DLC1: variants seen among roughly 807,000 people sequenced by gnomAD.
The protein encoded by DLC1 is rho GTPase-activating protein 7.
In DLC1, 54 loss-of-function variants were observed where a neutral mutation model predicts 140.3. The observed-to-expected ratio is 0.38, with a 90% CI of 0.31 to 0.48. DLC1 has a LOEUF of 0.48. DLC1 is among the 20% of genes least tolerant of loss of function. DLC1 has a pLI of 0.96. For missense variants in DLC1, 2,536 were observed against 1,907.0 expected, an observed-to-expected ratio of 1.33 and a Z score of -6.14; for synonymous variants, 986 against 728.1, an observed-to-expected ratio of 1.35 and a Z score of -5.70.
At chr8:13,245,520 A>G (rs1585994074) in intron 5 of DLC1, among the ~76,000 whole-genome samples, 1 of 151,712 alleles carries the variant, frequency 6.6e-6, no homozygotes, top group Non-Finnish European at 1.5e-5. Flanking sequence ...TCTTCCTCTC[A>G]CCCTCTCATT....
intron 5 of DLC1, among the ~76,000 whole-genome samples, chr8:13,186,028 G>C (rs1272408943): frequency 6.6e-6 from 1 of 152,184 alleles, no homozygotes; most frequent in East Asian, 1.9e-4. Context: ...CTGTTAGTCT[G>C]ATGGGCTTCC....
At chr8:13,092,952 G>T in intron 12 of DLC1, 127 bp from the exon 13 acceptor site, 1 of 1,004,698 alleles carries the variant, frequency 1.0e-6, no homozygotes, top group African/African-American at 1.6e-5. Flanking sequence ...TGTAGAAAGT[G>T]CACTAGAGGT....
chr8:13,376,436 G>A (rs1366431157), intron 4 of DLC1, among the ~76,000 whole-genome samples: 1 of 152,000 alleles, frequency 6.6e-6, no homozygotes, highest in African/African-American at 2.4e-5. Flanking sequence ...GTTGACTCCC[G>A]GAATCCCACC....
At chr8:13,092,101 TGGGC>T (rs1375719489) in intron 13 of DLC1, among the ~76,000 whole-genome samples, 2 of 151,982 alleles carry the variant, frequency 1.3e-5, no homozygotes, top group African/African-American at 2.4e-5. Flanking sequence ...AAAAATTAGC[TGGGC>T]GTGGTGGCAG....
intron 15 of DLC1, among the ~76,000 whole-genome samples, chr8:13,089,217 A>G (rs1347985190): frequency 6.6e-6 from 1 of 152,072 alleles, no homozygotes; most frequent in Non-Finnish European, 1.5e-5. Flanking sequence ...AGATCACACC[A>G]CTGCACTCCA....
At chr8:13,416,320 A>G (rs1220350428) in intron 2 of DLC1, among the ~76,000 whole-genome samples, 1 of 152,210 alleles carries the variant, frequency 6.6e-6, no homozygotes, top group Non-Finnish European at 1.5e-5. Context: ...CAATCTCCAT[A>G]ACCTAATACT....
At chr8:13,216,376 T>C (rs893706038) in intron 5 of DLC1, among the ~76,000 whole-genome samples, 1 of 152,078 alleles carries the variant, frequency 6.6e-6, no homozygotes, top group Non-Finnish European at 1.5e-5. Flanking sequence ...AAGGATCAGG[T>C]TTAAAATCCA....
intron 5 of DLC1, among the ~76,000 whole-genome samples, chr8:13,169,878 C>T (rs1015551377): frequency 2.7e-5 from 4 of 149,402 alleles, no homozygotes; most frequent in African/African-American, 4.9e-5. Context: ...AAGCCAGATG[C>T]GGTGGCTCAT....
At chr8:13,311,501 T>C (rs1414647933) in intron 4 of DLC1, among the ~76,000 whole-genome samples, 1 of 152,222 alleles carries the variant, frequency 6.6e-6, no homozygotes, top group Non-Finnish European at 1.5e-5. Context: ...TATTAATAAA[T>C]GCACACACAA....
intron 2 of DLC1, among the ~76,000 whole-genome samples, chr8:13,438,409 G>C (rs561321555): frequency 2.6e-5 from 4 of 151,636 alleles, no homozygotes; most frequent in Admixed American, 2.0e-4. Context: ...ATTCTTTTTT[G>C]TTTCTCTGCA....
chr8:13,602,766 A>C (rs922520338), intron 1 of DLC1, among the ~76,000 whole-genome samples: 1 of 151,916 alleles, frequency 6.6e-6, no homozygotes, highest in Non-Finnish European at 1.5e-5. Flanking sequence ...TTTCAAAATC[A>C]TATTTCCCAG....
At chr8:13,348,569 G>A (rs1446941775) in intron 4 of DLC1, among the ~76,000 whole-genome samples, 8 of 152,188 alleles carry the variant, frequency 5.3e-5, no homozygotes, top group Middle Eastern at 3.4e-3. Context: ...ACTTTTTGAC[G>A]ACCATCTTTA....
chr8:13,085,888 A>T lies in DLC1; in HGVS notation c.4510T>A (p.Cys1504Ser). 1 of 1,614,184 alleles carries T rather than the reference A, an allele frequency of 6.2e-7. No homozygotes were observed. The highest frequency in any genetic ancestry group is 8.5e-7 in the Non-Finnish European group (1 of 1,180,032). The stretch of plus-strand genomic sequence containing the variant: ...CGGATCTTTACAACTTCAGCTGCAC[A>T]CAAATGTCCAAAAGATTTTGTGTAC... ...EWYTKSFGHL[C>S]AAEVVKIRDS... is the part of the protein sequence containing the mutation. The change falls in exon 18 of 18, where the codon TGT becomes AGT. Residue 1504 changes from cysteine to serine, a missense_variant. Transcript: ENST00000276297.
intron 4 of DLC1, among the ~76,000 whole-genome samples, chr8:13,316,448 C>T (rs1353234695): frequency 2.0e-5 from 3 of 151,810 alleles, no homozygotes; most frequent in Non-Finnish European, 4.4e-5. Context: ...TGGTAATTAA[C>T]TTTAACAACT....
At chr8:13,419,903 T>A (rs1838237444) in intron 2 of DLC1, among the ~76,000 whole-genome samples, 1 of 152,208 alleles carries the variant, frequency 6.6e-6, no homozygotes, top group Non-Finnish European at 1.5e-5. Flanking sequence ...CTGTTATTGG[T>A]CTATTGAGAG....
intron 2 of DLC1, among the ~76,000 whole-genome samples, chr8:13,423,957 T>C (rs1472218302): frequency 6.6e-6 from 1 of 152,198 alleles, no homozygotes; most frequent in African/African-American, 2.4e-5. Flanking sequence ...TAAGATTCTG[T>C]TATTTGCTCA....
chr8:13,387,042 T>C (rs924267961), intron 4 of DLC1, among the ~76,000 whole-genome samples: 5 of 151,940 alleles, frequency 3.3e-5, no homozygotes, highest in African/African-American at 1.2e-4. Context: ...AATTAAAAAC[T>C]GTATTAATTC....
intron 5 of DLC1, chr8:13,160,287 A>C (rs1286599283): frequency 1.3e-5 from 2 of 152,258 alleles, no homozygotes; most frequent in African/African-American, 2.4e-5. Context: ...AAAAAAATAA[A>C]AAAATTAAAA....
chr8:13,441,317 C>T (rs1204130169), intron 2 of DLC1, among the ~76,000 whole-genome samples: 1 of 152,198 alleles, frequency 6.6e-6, no homozygotes, highest in Non-Finnish European at 1.5e-5. Flanking sequence ...GATGCCCTCT[C>T]TCACCACTCC....
Sources: gnomAD v4.1 joint callset for allele counts (sites outside exome capture counted in the v4.1 genomes callset) on GRCh38, gnomAD v4.1.1 for gene constraint, MANE v1.5 for transcripts, NCBI Gene and HGNC (gene_info 2026-07-23, HGNC 2026-07-21) for gene names.